Variants in TPX2 observed in about 807,000 individuals in gnomAD.
TPX2 encodes the protein targeting protein for Xklp2.
TPX2 carries 21 observed loss-of-function variants against 93.6 expected under a neutral mutation model. The observed-to-expected ratio is 0.22, with a 90% CI of 0.16 to 0.32. The LOEUF is 0.32. Among genes scored for constraint, TPX2 ranks in the 10% least tolerant of loss-of-function variants. The probability of loss-of-function intolerance (pLI) is 1.00; values close to 1 mark genes in which losing one functional copy is unlikely to be tolerated. For missense variants in TPX2, 776 were observed against 871.1 expected (o/e 0.89, Z 1.37); for synonymous variants, 281 against 298.3 (o/e 0.94, Z 0.60).
At chr20:31,759,408 T>G (rs1205312754) in intron 3 of TPX2, among the ~76,000 whole-genome samples, 1 of 147,072 alleles carries the variant, frequency 6.8e-6, no homozygotes, top group Non-Finnish European at 1.5e-5. Context: ...TTTTTTTTTT[T>G]TTTTTTTTTT....
intron 4 of TPX2, among the ~76,000 whole-genome samples, chr20:31,763,074 A>G (rs1339227817): frequency 6.6e-6 from 1 of 152,178 alleles, no homozygotes; most frequent in Non-Finnish European, 1.5e-5. Context: ...TGGTTACTAT[A>G]GCTTTGTAAT....
intron 4 of TPX2, among the ~76,000 whole-genome samples, chr20:31,765,354 G>A (rs1174932984): frequency 6.7e-6 from 1 of 150,116 alleles, no homozygotes; most frequent in Non-Finnish European, 1.5e-5. Context: ...ATAAAACATG[G>A]CCATGGTAAC....
intron 6 of TPX2, 139 bp from the exon 7 acceptor site, chr20:31,771,421 G>A (rs2061963717): frequency 4.6e-6 from 5 of 1,096,496 alleles, no homozygotes; most frequent in Non-Finnish European, 6.3e-6. Flanking sequence ...TGATACTGTT[G>A]GAAGAATCAT....
intron 8 of TPX2, among the ~76,000 whole-genome samples, chr20:31,776,683 G>A (rs909227428): frequency 3.3e-5 from 5 of 151,884 alleles, no homozygotes; most frequent in African/African-American, 1.2e-4. Context: ...CCACCACCAC[G>A]TCTGGCTAGT....
chr20:31,744,093 C>T (rs904015630), intron 2 of TPX2, among the ~76,000 whole-genome samples: 7 of 151,010 alleles, frequency 4.6e-5, no homozygotes, highest in East Asian at 1.9e-4. Flanking sequence ...CTCATAGATA[C>T]GGACAGCCAA....
chr20:31,797,815 A>C (rs866416667), intron 16 of TPX2, among the ~76,000 whole-genome samples: 15 of 152,244 alleles, frequency 9.9e-5, no homozygotes, highest in South Asian at 2.1e-4. Context: ...TGAGGGAGGG[A>C]GAGCCAGTAT....
At chr20:31,761,732 C>T (rs943343290) in intron 4 of TPX2, among the ~76,000 whole-genome samples, 1 of 152,146 alleles carries the variant, frequency 6.6e-6, no homozygotes, top group African/African-American at 2.4e-5. Flanking sequence ...ATAGATATCT[C>T]TTCGATGTAC....
Position 31,757,551 on chromosome 20 carries a change from A to G in TPX2, c.75A>G (p.Glu25=). Residue 25 remains glutamate, a synonymous_variant, in exon 3 of 18, where the codon GAA becomes GAG. Transcript: ENST00000300403. ...TCAATTTTTCATCCTTGGATGATGA[A>G]GGAGATACTCAAAACATAGATTCAT... ...DFINFSSLDD[E]GDTQNIDSWF... 8 of 1,614,060 alleles carry G rather than the reference A, an allele frequency of 5.0e-6. No homozygotes were observed. Among genetic ancestry groups the G allele is most frequent in the Non-Finnish European group, 6.8e-6 (8 of 1,179,970 alleles).
rs769150205 is a variant in TPX2 at position 31,766,651 on chromosome 20, A to G, written c.325A>G (p.Ile109Val). The change falls in exon 5 of 18, where the codon ATA (isoleucine) becomes GTA (valine). Residue 109 changes from isoleucine to valine, a missense_variant. By Grantham distance (29) the Ile-to-Val change is conservative. Transcript: ENST00000300403. ...ACSSLEVEAAISRKTPAQPQR... is the reference protein window; with the variant it reads ...ACSSLEVEAAVSRKTPAQPQR... Reference sequence around the variant, plus strand: ...TTCTTCCCTGGAAGTTGAGGCAGCCATATCAAGAAAAACTCCAGCCCAGCC... The same window carrying G: ...TTCTTCCCTGGAAGTTGAGGCAGCCGTATCAAGAAAAACTCCAGCCCAGCC... The G allele has an allele frequency of 2.7e-5, 43 of 1,613,764 alleles. No individual in the cohort carries two copies. The highest frequency in any genetic ancestry group is 1.6e-4 in the Middle Eastern group (1 of 6,082).
intron 17 of TPX2, 107 bp downstream of exon 17, chr20:31,798,659 C>T (rs2062152627): frequency 1.5e-6 from 2 of 1,329,944 alleles, no homozygotes; most frequent in Non-Finnish European, 2.0e-6. Context: ...AAGGCTGTAC[C>T]AAAGACAATG....
chr20:31,744,044 A>AT (rs1199422693), intron 2 of TPX2, among the ~76,000 whole-genome samples: 2 of 150,012 alleles, frequency 1.3e-5, no homozygotes, highest in African/African-American at 4.9e-5. Flanking sequence ...TCCCCCAAAT[A>AT]TTTTTGATCT....
chr20:31,747,822 T>C, intron 2 of TPX2, among the ~76,000 whole-genome samples: 1 of 150,122 alleles, frequency 6.7e-6, no homozygotes, highest in Middle Eastern at 3.2e-3. Context: ...TCAATCTTGA[T>C]TAAGGGACGC....
intron 7 of TPX2, 38 bp downstream of exon 7, chr20:31,771,720 G>A: frequency 6.3e-7 from 1 of 1,584,044 alleles, no homozygotes; most frequent in Middle Eastern, 1.7e-4. Flanking sequence ...TAGAATGAAT[G>A]GTATAAAATT....
At chr20:31,785,565 T>G (rs1243780695) in intron 12 of TPX2, among the ~76,000 whole-genome samples, 6 of 151,938 alleles carry the variant, frequency 3.9e-5, no homozygotes, top group Non-Finnish European at 8.8e-5. Flanking sequence ...TGGCGTGATC[T>G]CGGCTCATGG....
At chr20:31,756,434 T>C (rs916565066) in intron 2 of TPX2, among the ~76,000 whole-genome samples, 4 of 151,522 alleles carry the variant, frequency 2.6e-5, no homozygotes, top group Admixed American at 6.7e-5. Context: ...GTGGTGTATT[T>C]TAGAAATTGG....
intron 9 of TPX2, among the ~76,000 whole-genome samples, chr20:31,778,253 TC>T (rs1324414035): frequency 6.6e-6 from 1 of 152,220 alleles, no homozygotes; most frequent in Non-Finnish European, 1.5e-5. Flanking sequence ...TTATTTGCAT[TC>T]TTAAACCCTG....
rs199536472 is a variant in TPX2 at position 31,776,022 on chromosome 20, G to A, written c.730+34G>A. The A allele has an allele frequency of 6.7e-4, 835 of 1,250,994 alleles. 4 individuals are homozygous for A. The African/African-American group carries it at 0.011, about 17-fold the overall frequency. The allele number at this position is 1,250,994 out of a possible 1,614,324, so 77.5% of individuals were successfully genotyped here. A position where few individuals can be genotyped will look rare whatever the true frequency, so the allele number is the denominator to read the frequency against. On this transcript the variant is annotated intron_variant, in intron 8 of 17. Transcript: ENST00000300403. ...GGCTGTGGTTGAGTCTGATTCATGA[G>A]GGGTGGTTCTTAACACTCTTGGTAG...
intron 11 of TPX2, among the ~76,000 whole-genome samples, chr20:31,782,991 C>T (rs1297528362): frequency 6.6e-6 from 1 of 151,562 alleles, no homozygotes; most frequent in Non-Finnish European, 1.5e-5. Flanking sequence ...TAAGGAATGC[C>T]CTCTAAGGTT....
rs755358916 is a variant in TPX2, at chr20:31,757,496, C to A, written c.20C>A (p.Ser7Tyr). 17 of 1,614,036 alleles carry A rather than the reference C, an allele frequency of 1.1e-5. No homozygotes were observed. Among genetic ancestry groups the A allele is most frequent in the Middle Eastern group, 3.3e-4 (2 of 6,062 alleles). Residue 7 changes from serine (S) to tyrosine (Y), a missense_variant, in exon 3 of 18, where the codon TCT (serine) becomes TAT (tyrosine). Around this residue, in one of 3 missense-constraint regions of TPX2, gnomAD observed 36 missense variants for 58.3 expected, o/e 0.62. Coordinates refer to ENST00000300403, the MANE Select transcript of TPX2 (RefSeq NM_012112.5). ...GAGACAATGTCACAAGTTAAAAGCT[C>A]TTATTCCTATGATGCCCCCTCGGAT... The part of the protein sequence containing the change: MSQVKS[S>Y]YSYDAPSDFI...
Sources: gnomAD v4.1 joint callset for allele counts (sites outside exome capture counted in the v4.1 genomes callset) on GRCh38, gnomAD v4.1.1 for gene constraint, gnomAD v4.1.1 regional missense constraint, MANE v1.5 for transcripts, NCBI Gene and HGNC (gene_info 2026-07-23, HGNC 2026-07-21) for gene names.